Variants in PCDHGA3 observed in about 807,000 individuals in gnomAD.
PCDHGA3 encodes protocadherin gamma-A3.
A neutral mutation model predicts 58.5 loss-of-function variants in PCDHGA3; 40 were observed. That is an observed-to-expected ratio of 0.68 (90% confidence interval 0.53 to 0.89). PCDHGA3 has a LOEUF of 0.89. PCDHGA3 is among the 40% of genes least tolerant of loss of function. The pLI is 0.00. For synonymous variants in PCDHGA3, 530 were observed against 525.7 expected, an observed-to-expected ratio of 1.01 and a Z score of -0.11; for missense variants, 1,223 against 1,195.9, an observed-to-expected ratio of 1.02 and a Z score of -0.33.
At chr5:141,403,552 G>T (rs1228068556) in intron 1 of PCDHGA3, 5 of 1,613,892 alleles carry the variant, frequency 3.1e-6, no homozygotes, top group Non-Finnish European at 4.2e-6. Context: ...AGCGCGCCCT[G>T]GACAGGGAGG....
At chr5:141,398,174 T>C (rs763077513) in intron 1 of PCDHGA3, 16 of 1,476,290 alleles carry the variant, frequency 1.1e-5, no homozygotes, top group African/African-American at 1.4e-5. Flanking sequence ...AGGCTGCCAG[T>C]GCTCTTTCTC....
chr5:141,432,908 C>G lies in PCDHGA3; in HGVS notation c.2425-61899C>G, dbSNP rs757934634. 6.2e-7 allele frequency: 1 copy of G among 1,614,168 alleles called. No homozygotes were observed. Reference sequence around the variant, plus strand: ...CATCTTGCTGCTGGCGCTCAGGCTGCGGCGCTGGCACAAGTCACGCCTGCT... The same window carrying G: ...CATCTTGCTGCTGGCGCTCAGGCTGGGGCGCTGGCACAAGTCACGCCTGCT... On this transcript the variant is annotated intron_variant, in intron 1 of 3. Transcript: ENST00000253812. This position sits in a 1 kb window ranked among gnomAD's most constrained non-coding sequence, Gnocchi z 6.0.
chr5:141,497,473 AGGT>A (rs2099776769), intron 2 of PCDHGA3, among the ~76,000 whole-genome samples: 1 of 151,750 alleles, frequency 6.6e-6, no homozygotes. Flanking sequence ...ATGGAGGAGA[AGGT>A]GCGGAACCTC....
chr5:141,403,544 C>A (rs1300060255), intron 1 of PCDHGA3: 2 of 1,613,970 alleles, frequency 1.2e-6, no homozygotes, highest in South Asian at 1.1e-5. Flanking sequence ...GGTGCTGGAG[C>A]GCGCCCTGGA....
At chr5:141,360,915 T>C in intron 1 of PCDHGA3, 1 of 1,614,010 alleles carries the variant, frequency 6.2e-7, no homozygotes, top group South Asian at 1.1e-5. Flanking sequence ...CGGGCTTCTT[T>C]GTGCTTCAAG....
At chr5:141,483,972 A>G in intron 1 of PCDHGA3, among the ~76,000 whole-genome samples, 1 of 83,960 alleles carries the variant, frequency 1.2e-5, no homozygotes, top group Admixed American at 1.8e-4. Context: ...TGCTTGTGCA[A>G]GGGAGTAGCT....
chr5:141,492,316 G>C (rs1283387204), intron 1 of PCDHGA3, among the ~76,000 whole-genome samples: 1 of 152,190 alleles, frequency 6.6e-6, no homozygotes. Context: ...CGCACTCCTC[G>C]CACGTGGGCT....
rs753050855 is a variant in PCDHGA3 at position 141,375,684 on chromosome 5, C to T, written c.2424+29227C>T. 4 of 1,614,272 alleles carry T rather than the reference C, an allele frequency of 2.5e-6. No individual in the cohort carries two copies. In the South Asian group the frequency reaches 4.4e-5, roughly 18 times the overall value. On this transcript the variant is annotated intron_variant, in intron 1 of 3. Coordinates refer to ENST00000253812, the MANE Select transcript of PCDHGA3 (RefSeq NM_018916.4). The stretch of plus-strand genomic sequence containing the variant: ...AGAGACCTACAGCTGTGGGTGACAG[C>T]CAGCGACAGCGGGGACCCGCCTCTT...
chr5:141,359,404 A>T (rs979392497), intron 1 of PCDHGA3, among the ~76,000 whole-genome samples: 3 of 152,032 alleles, frequency 2.0e-5, no homozygotes, highest in East Asian at 3.8e-4. Context: ...CAAATTTTTT[A>T]AAAAATGTGT....
intron 1 of PCDHGA3, chr5:141,410,784 G>T (rs1352997810): frequency 1.2e-6 from 1 of 817,034 alleles, no homozygotes; most frequent in Non-Finnish European, 1.7e-6. Context: ...CTATGTATTT[G>T]GTTCATAAGT....
At chr5:141,395,198 A>G (rs2093194899) in intron 1 of PCDHGA3, 1 of 1,613,990 alleles carries the variant, frequency 6.2e-7, no homozygotes, top group Non-Finnish European at 8.5e-7. Flanking sequence ...TAACATCCGT[A>G]GATTTTCATG....
intron 1 of PCDHGA3, chr5:141,364,623 A>C: frequency 1.2e-6 from 2 of 1,614,178 alleles, no homozygotes; most frequent in Non-Finnish European, 1.7e-6. Flanking sequence ...CTCTGCGCTC[A>C]GAGCCCACTG....
intron 1 of PCDHGA3, among the ~76,000 whole-genome samples, chr5:141,473,706 G>C (rs1241009670): frequency 6.6e-6 from 1 of 152,186 alleles, no homozygotes; most frequent in African/African-American, 2.4e-5. Context: ...CCTCCAAGTG[G>C]TGCAATGGAA....
At chr5:141,410,419 T>TC (rs769125626) in intron 1 of PCDHGA3, 49 of 1,613,886 alleles carry the variant, frequency 3.0e-5, no homozygotes, top group Non-Finnish European at 3.6e-5. Context: ...GACCTGTAGT[T>TC]CCCCCCAACT....
chr5:141,373,769 T>A (rs1466229132), intron 1 of PCDHGA3: 3 of 255,350 alleles, frequency 1.2e-5, no homozygotes, highest in Non-Finnish European at 2.2e-5. Flanking sequence ...ATGAGTGTCA[T>A]CTCTGCAGAT....
rs547129690 is a variant in PCDHGA3, at chr5:141,385,366, C to A, written c.2424+38909C>A. On this transcript the variant is annotated intron_variant, in intron 1 of 3. Transcript: ENST00000253812. ...TTTATTTCCATGAGGAATTTATTTG[C>A]ATGATATTTCTCTATTATTTTGCAA... The A allele has an allele frequency of 5.9e-6, 9 of 1,535,728 alleles. No individual in the cohort carries two copies. The South Asian group carries it at 9.0e-5, about 15-fold the overall frequency.
intron 1 of PCDHGA3, chr5:141,370,749 G>A (rs1232741185): frequency 6.2e-7 from 1 of 1,613,930 alleles, no homozygotes; most frequent in Non-Finnish European, 8.5e-7. Flanking sequence ...CTTTTTTCAT[G>A]TAACTGTGCT....
At chr5:141,355,218 T>C in intron 1 of PCDHGA3, 1 of 1,604,388 alleles carries the variant, frequency 6.2e-7, no homozygotes, top group Non-Finnish European at 8.5e-7. Flanking sequence ...CGCCTCCTGC[T>C]CGCCCAGACC....
At chr5:141,462,157 A>C (rs1232551906) in intron 1 of PCDHGA3, among the ~76,000 whole-genome samples, 1 of 151,394 alleles carries the variant, frequency 6.6e-6, no homozygotes, top group African/African-American at 2.4e-5. Flanking sequence ...ATGGGGTTTC[A>C]TCATGTTGGC....
Sources: gnomAD v4.1 joint callset for allele counts (sites outside exome capture counted in the v4.1 genomes callset) on GRCh38, gnomAD v4.1.1 for gene constraint, Gnocchi (gnomAD v3.1) non-coding constraint, MANE v1.5 for transcripts, NCBI Gene and HGNC (gene_info 2026-07-23, HGNC 2026-07-21) for gene names.